KCNIP4: variants seen among roughly 807,000 people sequenced by gnomAD.
The protein encoded by KCNIP4 is potassium voltage-gated channel interacting protein 4, also known as Kv channel-interacting protein 4.
A neutral mutation model predicts 34.0 loss-of-function variants in KCNIP4; 12 were observed. The observed-to-expected ratio is 0.35, with a 90% CI of 0.23 to 0.57. KCNIP4 has a LOEUF of 0.57. Ranked by LOEUF, KCNIP4 falls within the 20% of genes least tolerant of loss-of-function variation. The probability of loss-of-function intolerance (pLI) is 0.83; values close to 1 mark genes in which losing one functional copy is unlikely to be tolerated. For synonymous variants in KCNIP4, 124 were observed against 102.2 expected, an observed-to-expected ratio of 1.21 and a Z score of -1.29; for missense variants, 238 against 311.7, an observed-to-expected ratio of 0.76 and a Z score of 1.78.
intron 1 of KCNIP4, among the ~76,000 whole-genome samples, chr4:21,683,830 C>T (rs1050911537): frequency 1.1e-4 from 16 of 152,142 alleles, no homozygotes; most frequent in African/African-American, 2.2e-4. Flanking sequence ...AGCAAACTAA[C>T]GCAGGAACAG....
chr4:21,307,901 CAAT>C (rs1270714846), intron 1 of KCNIP4, among the ~76,000 whole-genome samples: 6 of 152,274 alleles, frequency 3.9e-5, no homozygotes, highest in Middle Eastern at 3.4e-3. Flanking sequence ...ACAATGAAAG[CAAT>C]ACAAGGAAGG....
intron 1 of KCNIP4, among the ~76,000 whole-genome samples, chr4:20,930,176 A>G (rs1730310066): frequency 6.6e-6 from 1 of 152,066 alleles, no homozygotes; most frequent in Non-Finnish European, 1.5e-5. Flanking sequence ...CATGAAAACG[A>G]AAATGTGGAC....
At chr4:20,771,090 A>G (rs1257594169) in intron 3 of KCNIP4, among the ~76,000 whole-genome samples, 2 of 152,226 alleles carry the variant, frequency 1.3e-5, no homozygotes, top group Non-Finnish European at 2.9e-5. Flanking sequence ...ACCATTTCAT[A>G]TAACGAGACT....
In KCNIP4 at chr4:21,941,254, A is replaced by G. The variant is rs1450723913; in HGVS notation, c.61+7317T>C. ...AAATAATAAGATTTTCAGACATCTT[A>G]TCATATGTAACAATGTACAAACAGC... On this transcript the variant is annotated intron_variant, in intron 1 of 8. Transcript: ENST00000382152. Among the ~76,000 whole-genome samples the G allele has an allele frequency of 2.0e-5, 3 of 152,306 alleles. No individual in the cohort carries two copies. In the East Asian group the frequency reaches 5.8e-4, roughly 29 times the overall value.
At chr4:21,919,014 A>C (rs1728799018) in intron 1 of KCNIP4, among the ~76,000 whole-genome samples, 1 of 152,144 alleles carries the variant, frequency 6.6e-6, no homozygotes, top group Non-Finnish European at 1.5e-5. Context: ...AACATCTTAT[A>C]AGACAGAACA....
intron 1 of KCNIP4, among the ~76,000 whole-genome samples, chr4:21,597,986 T>C (rs1194116868): frequency 2.0e-5 from 3 of 152,156 alleles, no homozygotes; most frequent in African/African-American, 7.2e-5. Flanking sequence ...TAAATAATTA[T>C]GAACTGTTGA....
intron 3 of KCNIP4, among the ~76,000 whole-genome samples, chr4:20,845,281 T>C (rs1720226478): frequency 6.6e-6 from 1 of 152,156 alleles, no homozygotes; most frequent in South Asian, 2.1e-4. Flanking sequence ...AAATGGCTAG[T>C]ACCTGTCTTA....
At chr4:21,912,784 T>C (rs1430554378) in intron 1 of KCNIP4, among the ~76,000 whole-genome samples, 1 of 150,918 alleles carries the variant, frequency 6.6e-6, no homozygotes, top group Non-Finnish European at 1.5e-5. Flanking sequence ...AGAAGACAGA[T>C]CATATATTAC....
intron 1 of KCNIP4, among the ~76,000 whole-genome samples, chr4:21,070,348 A>G (rs188840376): frequency 5.4e-4 from 83 of 152,308 alleles, no homozygotes; most frequent in African/African-American, 1.8e-3. Context: ...ATAAATGCAC[A>G]GAGTACAGTT....
intron 1 of KCNIP4, among the ~76,000 whole-genome samples, chr4:21,756,687 T>C (rs1717552593): frequency 6.6e-6 from 1 of 152,276 alleles, no homozygotes; most frequent in African/African-American, 2.4e-5. Flanking sequence ...CAAATCTACC[T>C]TGATATCTCT....
chr4:21,209,088 C>CA (rs1283875445), intron 1 of KCNIP4, among the ~76,000 whole-genome samples: 1 of 152,138 alleles, frequency 6.6e-6, no homozygotes, highest in Non-Finnish European at 1.5e-5. Flanking sequence ...GGTGGGAACA[C>CA]AACAAAACCA....
At chr4:21,651,503 C>G (rs1212243212) in intron 1 of KCNIP4, among the ~76,000 whole-genome samples, 1 of 152,190 alleles carries the variant, frequency 6.6e-6, no homozygotes, top group Non-Finnish European at 1.5e-5. Context: ...CAATTTACCA[C>G]TTCCTAATGG....
At chr4:20,731,081 T>TTTTTC (rs1748034069) in intron 8 of KCNIP4, among the ~76,000 whole-genome samples, 1 of 152,166 alleles carries the variant, frequency 6.6e-6, no homozygotes, top group African/African-American at 2.4e-5. Flanking sequence ...AAAAATTCTT[T>TTTTTC]TTTTCTTTTT....
At chr4:21,742,041 TAAACAAAC>T (rs560397130) in intron 1 of KCNIP4, among the ~76,000 whole-genome samples, 1 of 151,810 alleles carries the variant, frequency 6.6e-6, no homozygotes, top group Non-Finnish European at 1.5e-5. Flanking sequence ...CATCTCAAAA[TAAACAAAC>T]AAACAAACAA....
chr4:20,781,295 G>T (rs572914992), intron 3 of KCNIP4, among the ~76,000 whole-genome samples: 4 of 152,172 alleles, frequency 2.6e-5, no homozygotes, highest in African/African-American at 9.7e-5. Context: ...CTATTCACTA[G>T]ATCTCTATTA....
At chr4:21,794,975 T>C (rs564670413) in intron 1 of KCNIP4, among the ~76,000 whole-genome samples, 15 of 152,246 alleles carry the variant, frequency 9.9e-5, no homozygotes, top group Non-Finnish European at 2.2e-4. Context: ...GCCAAACCCA[T>C]GATTACCCTC....
intron 1 of KCNIP4, among the ~76,000 whole-genome samples, chr4:20,886,240 G>GA (rs1725297921): frequency 1.3e-5 from 2 of 152,162 alleles, no homozygotes; most frequent in Admixed American, 1.3e-4. Context: ...CTTGAGAGAA[G>GA]AAAAATCCCA....
intron 1 of KCNIP4, among the ~76,000 whole-genome samples, chr4:21,642,505 T>A (rs996182374): frequency 6.6e-6 from 1 of 152,182 alleles, no homozygotes; most frequent in African/African-American, 2.4e-5. Flanking sequence ...ATGGTACTAT[T>A]TCTTCCATAG....
At chr4:21,044,346 C>A (rs1203673195) in intron 1 of KCNIP4, among the ~76,000 whole-genome samples, 1 of 151,978 alleles carries the variant, frequency 6.6e-6, no homozygotes, top group Non-Finnish European at 1.5e-5. Context: ...GAGTCTCACT[C>A]TGTCACCCAG....
Sources: allele counts gnomAD v4.1 joint callset (sites outside exome capture counted in the v4.1 genomes callset), GRCh38; gene constraint gnomAD v4.1.1; transcripts MANE v1.5; gene names NCBI Gene and HGNC (gene_info 2026-07-23, HGNC 2026-07-21).